Variants in PLXNC1 observed in about 807,000 individuals in gnomAD.
PLXNC1 encodes plexin-C1.
Under a neutral mutation model 178.2 loss-of-function variants are expected in PLXNC1, and 75 were observed. That is an observed-to-expected ratio of 0.42 (90% confidence interval 0.35 to 0.51). The LOEUF (loss-of-function observed/expected upper bound fraction) is 0.51, where lower values mean the gene tolerates loss of function less well. Among genes scored for constraint, PLXNC1 ranks in the 20% least tolerant of loss-of-function variants. PLXNC1 has a pLI of 0.02. For missense variants in PLXNC1, 1,503 were observed against 1,984.4 expected (o/e 0.76, Z 4.61); for synonymous variants, 790 against 779.9 (o/e 1.01, Z -0.22).
At chr12:94,246,897 C>T (rs1215045362) in intron 12 of PLXNC1, among the ~76,000 whole-genome samples, 4 of 89,838 alleles carry the variant, frequency 4.5e-5, no homozygotes, top group South Asian at 3.3e-4. Flanking sequence ...CAGGGGGTGG[C>T]GGGGGTGGGG....
chr12:94,211,431 A>G (rs1963465584), intron 5 of PLXNC1, among the ~76,000 whole-genome samples: 1 of 152,154 alleles, frequency 6.6e-6, no homozygotes, highest in East Asian at 1.9e-4. Context: ...TTCCTACCCT[A>G]TTGCCACCTT....
chr12:94,177,198 T>G (rs1416738089), intron 2 of PLXNC1, among the ~76,000 whole-genome samples: 1 of 38,014 alleles, frequency 2.6e-5, no homozygotes, highest in African/African-American at 2.0e-4. Flanking sequence ...TATATATATA[T>G]ACGTATATAT....
intron 6 of PLXNC1, among the ~76,000 whole-genome samples, chr12:94,221,428 A>G (rs529983689): frequency 3.9e-5 from 6 of 152,170 alleles, no homozygotes; most frequent in African/African-American, 1.2e-4. Context: ...GATGGAGAGA[A>G]GTGGATTCAA....
At chr12:94,171,941 G>A (rs1961860716) in intron 2 of PLXNC1, among the ~76,000 whole-genome samples, 1 of 152,128 alleles carries the variant, frequency 6.6e-6, no homozygotes, top group African/African-American at 2.4e-5. Context: ...TAATGCCCAA[G>A]CCTCTCCCCT....
chr12:94,177,559 AAGAG>A (rs1055088092), intron 2 of PLXNC1, among the ~76,000 whole-genome samples: 3 of 127,060 alleles, frequency 2.4e-5, no homozygotes, highest in African/African-American at 5.8e-5. Flanking sequence ...AAGAAAAAGA[AAGAG>A]AGAGAGGTAA....
At chr12:94,249,931 G>T (rs866771756) in intron 14 of PLXNC1, among the ~76,000 whole-genome samples, 2 of 116,550 alleles carry the variant, frequency 1.7e-5, no homozygotes. Context: ...GCACCAGTGT[G>T]GGGGGGTGGG....
rs751045956 is a variant in PLXNC1, at chr12:94,287,677, T to C, written c.3879+5276T>C. Among the ~76,000 whole-genome samples the C allele has an allele frequency of 2.0e-5, 3 of 152,294 alleles. No homozygotes were observed. The Middle Eastern group carries it at 0.01, about 518-fold the overall frequency. On this transcript the variant is annotated intron_variant, in intron 23 of 30. Coordinates refer to ENST00000258526, the MANE Select transcript of PLXNC1 (RefSeq NM_005761.3). Reference sequence around the variant, plus strand: ...TAACAAATTTGTAATTCAAAAGATATTTAAAGCTCATAGGAATGCCCCAAA... The same window carrying C: ...TAACAAATTTGTAATTCAAAAGATACTTAAAGCTCATAGGAATGCCCCAAA...
chr12:94,248,081 A>G lies in PLXNC1; in HGVS notation c.2567A>G (p.Asp856Gly). The stretch of plus-strand genomic sequence containing the variant: ...GGGTATCGGGTGGAATCCGAGGTGG[A>G]CACAGAACTGGAAGTGAAAATTCAA... ...FTGYRVESEVDTELEVKIQKE... is the reference protein window; with the variant it reads ...FTGYRVESEVGTELEVKIQKE... The change falls in exon 13 of 31, where the codon GAC becomes GGC. Residue 856 changes from aspartate (D) to glycine (G), a missense_variant. Coordinates refer to ENST00000258526, the MANE Select transcript of PLXNC1 (RefSeq NM_005761.3). 2 of 1,614,104 alleles carry G rather than the reference A, an allele frequency of 1.2e-6. No individual in the cohort carries two copies. Among genetic ancestry groups the G allele is most frequent in the Non-Finnish European group, 1.7e-6 (2 of 1,180,004 alleles).
At chr12:94,191,954 G>A (rs887872945) in intron 4 of PLXNC1, among the ~76,000 whole-genome samples, 24 of 152,098 alleles carry the variant, frequency 1.6e-4, no homozygotes, top group Admixed American at 5.2e-4. Context: ...CAGTTTCTCA[G>A]TTTCTCCCAT....
intron 8 of PLXNC1, 84 bp from the exon 9 acceptor site, chr12:94,227,065 C>A: frequency 1.1e-6 from 1 of 905,028 alleles, no homozygotes; most frequent in Non-Finnish European, 1.8e-6. Context: ...TTGTGACTGC[C>A]TGGTCCTACC....
chr12:94,205,181 G>A (rs1447703981), intron 4 of PLXNC1, among the ~76,000 whole-genome samples: 3 of 152,068 alleles, frequency 2.0e-5, no homozygotes, highest in African/African-American at 7.2e-5. Context: ...GGAAACTTCA[G>A]CTCCTTTTCA....
intron 22 of PLXNC1, chr12:94,280,111 T>G: frequency 3.1e-6 from 1 of 323,508 alleles, no homozygotes; most frequent in East Asian, 8.4e-5. Context: ...CATCTTCCTC[T>G]GCTAATCACA....
At chr12:94,262,578 C>T (rs1240770160) in intron 20 of PLXNC1, 30 of 985,466 alleles carry the variant, frequency 3.0e-5, no homozygotes, top group East Asian at 2.3e-4. Context: ...CGGCTCGGCT[C>T]GCCAGGAGGA....
intron 22 of PLXNC1, among the ~76,000 whole-genome samples, chr12:94,281,279 C>CAA (rs200736479): frequency 6.6e-6 from 1 of 150,638 alleles, no homozygotes; most frequent in East Asian, 1.9e-4. Context: ...ACCCTGTCTC[C>CAA]AAAAAAAACA....
intron 21 of PLXNC1, among the ~76,000 whole-genome samples, chr12:94,273,055 T>C (rs1417784078): frequency 6.6e-6 from 1 of 152,190 alleles, no homozygotes. Context: ...TGGACATGCT[T>C]CTAAATCTCT....
intron 23 of PLXNC1, among the ~76,000 whole-genome samples, chr12:94,291,062 T>C (rs1226011304): frequency 6.6e-6 from 1 of 152,200 alleles, no homozygotes. Context: ...GATTTGCGAG[T>C]GCCCATCAGG....
intron 21 of PLXNC1, among the ~76,000 whole-genome samples, chr12:94,271,502 A>C (rs961992333): frequency 1.3e-5 from 2 of 152,216 alleles, no homozygotes; most frequent in Admixed American, 1.3e-4. Context: ...AGGGGAATGC[A>C]GTTACATGTT....
intron 10 of PLXNC1, 41 bp downstream of exon 10, chr12:94,237,844 G>A (rs201086654): frequency 3.3e-5 from 52 of 1,595,896 alleles, no homozygotes; most frequent in Admixed American, 2.4e-4. Flanking sequence ...GTAACGTAAC[G>A]CTCAAACCTG....
In PLXNC1 at chr12:94,237,677, A is replaced by T. The variant is rs1469869822; in HGVS notation, c.1994A>T (p.Lys665Met). 9 of 1,613,572 alleles carry T rather than the reference A, an allele frequency of 5.6e-6. No homozygotes were observed. The highest frequency in any genetic ancestry group is 2.2e-5 in the East Asian group (1 of 44,884). Residue 665 changes from lysine (K) to methionine (M), a missense_variant, in exon 10 of 31, where the codon AAG (lysine) becomes ATG (methionine). This residue lies in a region of PLXNC1 where 615 missense variants were observed against 698.6 expected (regional missense o/e 0.88). Coordinates refer to ENST00000258526, the MANE Select transcript of PLXNC1 (RefSeq NM_005761.3). ...TNQALQVFYI[K>M]SIEPQKVSTL... ...TCTTTCCAATAGGTCTTCTACATTAAGTCCATTGAGCCACAGAAAGTATCG... is the reference window on the plus strand; with the variant it reads ...TCTTTCCAATAGGTCTTCTACATTATGTCCATTGAGCCACAGAAAGTATCG...
Sources: gnomAD v4.1 joint callset for allele counts (sites outside exome capture counted in the v4.1 genomes callset) on GRCh38, gnomAD v4.1.1 for gene constraint, gnomAD v4.1.1 regional missense constraint, MANE v1.5 for transcripts, NCBI Gene and HGNC (gene_info 2026-07-23, HGNC 2026-07-21) for gene names.